SOX6: variants seen among roughly 807,000 people sequenced by gnomAD.
SOX6 encodes transcription factor SOX-6.
A neutral mutation model predicts 97.8 loss-of-function variants in SOX6; 11 were observed. That is an observed-to-expected ratio of 0.11 (90% confidence interval 0.07 to 0.19). The LOEUF is 0.19. Ranked by LOEUF, SOX6 falls within the 10% of genes least tolerant of loss-of-function variation. The pLI, the probability that SOX6 is intolerant of heterozygous loss-of-function variation, is 1.00. For missense variants in SOX6, 810 were observed against 1,039.5 expected (o/e 0.78, Z 3.04); for synonymous variants, 360 against 371.4 (o/e 0.97, Z 0.35).
chr11:16,259,445 T>C (rs558752809), intron 3 of SOX6, among the ~76,000 whole-genome samples: 9 of 152,186 alleles, frequency 5.9e-5, no homozygotes, highest in Admixed American at 3.9e-4. Flanking sequence ...CTAAAATGTA[T>C]ATGTAAACAC....
chr11:16,372,779 A>G, intron 1 of SOX6, among the ~76,000 whole-genome samples: 1 of 152,096 alleles, frequency 6.6e-6, no homozygotes, highest in East Asian at 1.9e-4. Context: ...AGTCAATTTG[A>G]TATCACCAGC....
intron 10 of SOX6, among the ~76,000 whole-genome samples, chr11:16,052,392 T>G (rs1380420875): frequency 1.3e-5 from 2 of 152,160 alleles, no homozygotes; most frequent in South Asian, 2.1e-4. Flanking sequence ...TTTTCTCAGA[T>G]TGTATATAAC....
chr11:16,500,257 A>G (rs113975364), intron 4 of SOX6, among the ~76,000 whole-genome samples: 27,862 of 152,174 alleles, frequency 0.18, 2,602 homozygotes, highest in African/African-American at 0.22. Flanking sequence ...ACAAAATTCA[A>G]CAACTCTTCA....
At chr11:16,539,040 C>T (rs1322470264) in intron 4 of SOX6, among the ~76,000 whole-genome samples, 15 of 152,176 alleles carry the variant, frequency 9.9e-5, no homozygotes, top group African/African-American at 3.1e-4. Context: ...AGCACCACAT[C>T]GCACTTATCC....
At chr11:16,126,023 C>T (rs1849603316) in intron 6 of SOX6, among the ~76,000 whole-genome samples, 1 of 152,030 alleles carries the variant, frequency 6.6e-6, no homozygotes, top group Admixed American at 6.6e-5. Context: ...ATGGTTATTA[C>T]AGAACATATA....
At chr11:16,553,740 T>A (rs1310436321) in intron 4 of SOX6, among the ~76,000 whole-genome samples, 1 of 152,046 alleles carries the variant, frequency 6.6e-6, no homozygotes, top group Admixed American at 6.6e-5. Flanking sequence ...AGAACCAGGA[T>A]AAAATTAACA....
At chr11:16,145,235 A>G (rs373587132) in intron 6 of SOX6, among the ~76,000 whole-genome samples, 3 of 152,302 alleles carry the variant, frequency 2.0e-5, no homozygotes, top group South Asian at 2.1e-4. Flanking sequence ...TATAAACAGA[A>G]CCAAAGACAA....
At chr11:16,180,782 G>A (rs934011517) in intron 6 of SOX6, among the ~76,000 whole-genome samples, 1 of 151,644 alleles carries the variant, frequency 6.6e-6, no homozygotes, top group Non-Finnish European at 1.5e-5. Flanking sequence ...TAAAAGTTTA[G>A]TTAGAATTTA....
At chr11:16,332,986 A>G (rs777707074) in intron 2 of SOX6, among the ~76,000 whole-genome samples, 2 of 152,200 alleles carry the variant, frequency 1.3e-5, no homozygotes, top group Non-Finnish European at 2.9e-5. Context: ...AAGATTAGAT[A>G]TATTTGTGGA....
At chr11:16,541,949 C>T (rs558563456) in intron 4 of SOX6, among the ~76,000 whole-genome samples, 74 of 152,296 alleles carry the variant, frequency 4.9e-4, no homozygotes, top group African/African-American at 1.8e-3. Context: ...TTTGACCCAG[C>T]AATCCCATTA....
chr11:16,583,920 T>A (rs908414764), intron 4 of SOX6, among the ~76,000 whole-genome samples: 3 of 152,032 alleles, frequency 2.0e-5, no homozygotes, highest in East Asian at 1.9e-4. Flanking sequence ...CTCATCAGCA[T>A]TTTTTTGTCT....
intron 4 of SOX6, among the ~76,000 whole-genome samples, chr11:16,525,504 C>A (rs1401386894): frequency 6.6e-6 from 1 of 151,988 alleles, no homozygotes; most frequent in African/African-American, 2.4e-5. Flanking sequence ...AAGACTTAAA[C>A]GTTAGACATA....
intron 4 of SOX6, among the ~76,000 whole-genome samples, chr11:16,573,453 G>A (rs1014857273): frequency 5.3e-5 from 8 of 152,128 alleles, no homozygotes. Context: ...ACTACTAAGA[G>A]CCAATTCATG....
chr11:16,137,586 T>C (rs550905046), intron 6 of SOX6, among the ~76,000 whole-genome samples: 1 of 152,364 alleles, frequency 6.6e-6, no homozygotes, highest in African/African-American at 2.4e-5. Flanking sequence ...GTATCAATTT[T>C]CTCATCTATC....
intron 1 of SOX6, among the ~76,000 whole-genome samples, chr11:16,406,624 C>A (rs771341216): frequency 6.6e-6 from 1 of 152,008 alleles, no homozygotes; most frequent in African/African-American, 2.4e-5. Flanking sequence ...CATTGGCCAA[C>A]GTAAGCTAAA....
chr11:16,203,404 A>G (rs1851990181), intron 4 of SOX6, among the ~76,000 whole-genome samples: 1 of 152,174 alleles, frequency 6.6e-6, no homozygotes, highest in African/African-American at 2.4e-5. Context: ...GACTCTCCCA[A>G]GAAGATTCAT....
intron 3 of SOX6, among the ~76,000 whole-genome samples, chr11:16,659,740 C>G (rs1432236789): frequency 6.6e-6 from 1 of 152,050 alleles, no homozygotes; most frequent in Non-Finnish European, 1.5e-5. Context: ...GTAGAATTTA[C>G]CAGTGAAACC....
At chr11:16,466,648 C>T (rs1025827550) in intron 1 of SOX6, among the ~76,000 whole-genome samples, 4 of 151,042 alleles carry the variant, frequency 2.6e-5, no homozygotes, top group Non-Finnish European at 5.9e-5. Context: ...CAAACAACTC[C>T]GGCCGGGCGC....
intron 3 of SOX6, among the ~76,000 whole-genome samples, chr11:16,665,286 C>G (rs1441460953): frequency 6.6e-6 from 1 of 152,082 alleles, no homozygotes; most frequent in Non-Finnish European, 1.5e-5. Context: ...TATTTCTGGA[C>G]CTGCTCAGGG....
Sources: allele counts gnomAD v4.1 joint callset (sites outside exome capture counted in the v4.1 genomes callset), GRCh38; gene constraint gnomAD v4.1.1; transcripts MANE v1.5; gene names NCBI Gene and HGNC (gene_info 2026-07-23, HGNC 2026-07-21).